TST: variants seen among roughly 807,000 people sequenced by gnomAD.
TST encodes the protein thiosulfate sulfurtransferase, also known as epididymis secretory sperm binding protein.
Under a neutral mutation model 20.4 loss-of-function variants are expected in TST, and 22 were observed. The observed-to-expected ratio is 1.08, with a 90% CI of 0.77 to 1.54. The LOEUF (loss-of-function observed/expected upper bound fraction) is 1.54, where lower values mean the gene tolerates loss of function less well. Among genes scored for constraint, TST ranks in the 40% most tolerant of loss-of-function variants. TST has a pLI of 0.00. For synonymous variants in TST, 187 were observed against 173.8 expected (o/e 1.08, Z -0.60); for missense variants, 392 against 405.2 (o/e 0.97, Z 0.28).
Position 37,018,714 on chromosome 22 carries a change from A to G in TST, c.19T>C (p.Tyr7His), listed in dbSNP as rs1376952043. Residue 7 changes from tyrosine (Y) to histidine (H), a missense_variant, in exon 2 of 3, where the codon TAC becomes CAC. By Grantham distance (83) the Tyr-to-His change is moderately conservative (BLOSUM62 2). Coordinates refer to ENST00000249042, the MANE Select transcript of TST (RefSeq NM_003312.6). MVHQVL[Y>H]RALVSTKWLA... is the part of the protein sequence containing the mutation. ...CACTTGGTGGAGACCAGCGCCCGGT[A>G]GAGCACCTGATGAACCATGGCTTCA... 3 of 1,504,696 alleles carry G rather than the reference A, an allele frequency of 2.0e-6. No homozygotes were observed. The highest frequency in any genetic ancestry group is 2.3e-5 in the Admixed American group (1 of 44,270). The allele number at this position is 1,504,696 out of a possible 1,614,324, so 93.2% of individuals were successfully genotyped here. A position where few individuals can be genotyped will look rare whatever the true frequency, so the allele number is the denominator to read the frequency against.
chr22:37,010,884 T>C lies in TST; in HGVS notation c.*143A>G, dbSNP rs1024902453. The C allele has an allele frequency of 6.5e-6, 8 of 1,231,254 alleles. No individual in the cohort carries two copies. The African/African-American group carries it at 1.1e-4, about 16-fold the overall frequency. The allele number at this position is 1,231,254 out of a possible 1,614,324, so 76.3% of individuals were successfully genotyped here. Reference sequence around the variant, plus strand: ...CACTACTCAGAAAAGGCAAAGTTTATTCCAGTGTTGACAGAGAGAGGGTGA... The same window carrying C: ...CACTACTCAGAAAAGGCAAAGTTTACTCCAGTGTTGACAGAGAGAGGGTGA... On this transcript the variant is annotated 3_prime_UTR_variant, in exon 3 of 3. Coordinates refer to ENST00000249042, the MANE Select transcript of TST (RefSeq NM_003312.6).
rs376733812 is a variant in TST, at chr22:37,018,277, G to C, written c.456C>G (p.Val152=). 3.7e-6 allele frequency: 6 copies of C among 1,614,004 alleles called. No individual in the cohort carries two copies. The highest frequency in any genetic ancestry group is 5.1e-6 in the Non-Finnish European group (6 of 1,180,040). The part of the protein sequence containing the change: ...TSEPSRPEPA[V]FKATLDRSLL... ...GGGAGCGGTCCAGTGTGGCTTTGAA[G>C]ACGGCCGGTTCTGGGCGTGAGGGCT... is the stretch of plus-strand genomic sequence containing the variant. The change falls in exon 2 of 3, where the codon GTC becomes GTG. Residue 152 remains valine, a synonymous_variant. Transcript: ENST00000249042.
chr22:37,017,684 T>C (rs572199661), intron 2 of TST, among the ~76,000 whole-genome samples: 23 of 152,172 alleles, frequency 1.5e-4, no homozygotes, highest in Non-Finnish European at 2.9e-4. Flanking sequence ...GAGAGGGGGA[T>C]CCTGCGGGGA....
At position 37,010,896 on chromosome 22, in the gene TST, CAGAG is replaced by C. The variant is rs1200882171; in HGVS notation, c.*127_*130del. On this transcript the variant is annotated 3_prime_UTR_variant, in exon 3 of 3. Coordinates refer to ENST00000249042, the MANE Select transcript of TST (RefSeq NM_003312.6). ...AAGGCAAAGTTTATTCCAGTGTTGA[CAGAG>C]AGAGGGTGAGCCTTGCACAGCAATT... 4 of 1,320,666 alleles carry C rather than the reference CAGAG, an allele frequency of 3.0e-6. No homozygotes were observed. In the East Asian group the frequency reaches 9.3e-5, roughly 31 times the overall value. The allele number at this position is 1,320,666 out of a possible 1,614,324, so 81.8% of individuals were successfully genotyped here.
At chr22:37,019,951 C>T (rs1601452313), upstream of TST, 3 of 687,400 alleles carry the variant, frequency 4.4e-6, no homozygotes, top group East Asian at 1.0e-4. Context: ...GCGGGGCTCC[C>T]GCGCGGGACC....
In TST at chr22:37,018,314, G is replaced by GT; in HGVS notation, c.418_419insA (p.Pro140HisfsTer34). 6.2e-7 allele frequency: 1 copy of GT among 1,613,980 alleles called. No individual in the cohort carries two copies. ...TGGGCGTGAGGGCTCGGATGTCACCGGGTGGCCCTCCTTCAGCCAGTTCCG... is the reference window on the plus strand; with the variant it reads ...TGGGCGTGAGGGCTCGGATGTCACCGTGGTGGCCCTCCTTCAGCCAGTTCCG... On this transcript the variant is annotated frameshift_variant, in exon 2 of 3. Coordinates refer to ENST00000249042, the MANE Select transcript of TST (RefSeq NM_003312.6). LOFTEE classifies it high-confidence loss of function.
At position 37,011,015 on chromosome 22, in the gene TST, A is replaced by T; in HGVS notation, c.*12T>A. On this transcript the variant is annotated 3_prime_UTR_variant, in exon 3 of 3. Coordinates refer to ENST00000249042, the MANE Select transcript of TST (RefSeq NM_003312.6). Reference sequence around the variant, plus strand: ...ACCGGCCGCAGTTACAGTAAGCAGAAGAGGTCACGGCTCAGGCCTTCTCAG... The same window carrying T: ...ACCGGCCGCAGTTACAGTAAGCAGATGAGGTCACGGCTCAGGCCTTCTCAG... The T allele has an allele frequency of 6.2e-7, 1 of 1,600,724 alleles. No homozygotes were observed. Among genetic ancestry groups the T allele is most frequent in the Non-Finnish European group, 8.5e-7 (1 of 1,172,080 alleles).
At chr22:37,019,655 TG>T, upstream of TST, 1 of 317,522 alleles carries the variant, frequency 3.1e-6, no homozygotes, top group Non-Finnish European at 5.7e-6. Flanking sequence ...CGCGCGGGCC[TG>T]GGCTGGGCGG....
chr22:37,018,158 T>C lies in TST; in HGVS notation c.575A>G (p.Glu192Gly), dbSNP rs1443606877. The C allele has an allele frequency of 2.6e-6, 4 of 1,562,376 alleles. No individual in the cohort carries two copies. In the Admixed American group the frequency reaches 7.3e-5, roughly 28 times the overall value. Residue 192 changes from glutamate to glycine, a missense_variant, in exon 2 of 3, where the codon GAG becomes GGG. Coordinates refer to ENST00000249042, the MANE Select transcript of TST (RefSeq NM_003312.6). ...CCTACCTACTGCATCCGGCTCCGGC[T>C]CGGTGCCCAGGAACCGCCCTTGAGA... Reference protein sequence around the residue: ...SRSQGRFLGTEPEPDAVGLDS... With the variant: ...SRSQGRFLGTGPEPDAVGLDS...
chr22:37,010,984 C>A lies in TST; in HGVS notation c.*43G>T. ...AAGAACCGGCTGTAAGTCATGGGGT[C>A]ACTAAACCGGCCGCAGTTACAGTAA... is the stretch of plus-strand genomic sequence containing the variant. On this transcript the variant is annotated 3_prime_UTR_variant, in exon 3 of 3. Transcript: ENST00000249042. The A allele has an allele frequency of 6.4e-7, 1 of 1,573,858 alleles. No individual in the cohort carries two copies. The highest frequency in any genetic ancestry group is 1.2e-5 in the South Asian group (1 of 85,536).
intron 2 of TST, among the ~76,000 whole-genome samples, chr22:37,013,599 TATA>T (rs1394512185): frequency 3.9e-5 from 6 of 152,120 alleles, no homozygotes; most frequent in South Asian, 4.1e-4. Context: ...GTCTCAAAAA[TATA>T]ATAATAATGA....
intron 2 of TST, 41 bp downstream of exon 2, chr22:37,018,097 G>C: frequency 6.9e-7 from 1 of 1,444,762 alleles, no homozygotes; most frequent in Non-Finnish European, 9.3e-7. Context: ...CCTTCCATGG[G>C]GCAATACTCC....
upstream of TST, chr22:37,019,977 G>A: frequency 3.7e-6 from 2 of 545,458 alleles, no homozygotes; most frequent in Non-Finnish European, 2.8e-6. Flanking sequence ...GGAAGAGGGG[G>A]CTTAGTCTAG....
At chr22:37,017,496 C>G (rs1264956466) in intron 2 of TST, among the ~76,000 whole-genome samples, 2 of 152,208 alleles carry the variant, frequency 1.3e-5, no homozygotes, top group Non-Finnish European at 2.9e-5. Flanking sequence ...TCAGTCCCCC[C>G]ACCCCCCGCT....
chr22:37,017,924 G>A (rs1336262842), intron 2 of TST, among the ~76,000 whole-genome samples: 3 of 152,182 alleles, frequency 2.0e-5, no homozygotes, highest in African/African-American at 4.8e-5. Flanking sequence ...TTAGCACATG[G>A]CTATGAGGAC....
Position 37,018,329 on chromosome 22 carries a change from A to C in TST, c.404T>G (p.Leu135Arg), listed in dbSNP as rs746076529. 2.7e-5 allele frequency: 44 copies of C among 1,613,942 alleles called. No individual in the cohort carries two copies. Among genetic ancestry groups the C allele is most frequent in the Non-Finnish European group, 3.3e-5 (39 of 1,180,014 alleles). Reference protein sequence around the residue: ...SVLNGGFRNWLKEGHPVTSEP... With the variant: ...SVLNGGFRNWRKEGHPVTSEP... ...GGATGTCACCGGGTGGCCCTCCTTC[A>C]GCCAGTTCCGGAAGCCACCATTGAG... The change falls in exon 2 of 3, where the codon CTG becomes CGG. Residue 135 changes from leucine (L) to arginine (R), a missense_variant. Leu to Arg is a moderately radical substitution (Grantham distance 102). Coordinates refer to ENST00000249042, the MANE Select transcript of TST (RefSeq NM_003312.6).
At position 37,011,224 on chromosome 22, in the gene TST, A is replaced by G. The variant is rs1213744689; in HGVS notation, c.697T>C (p.Phe233Leu). 1.9e-6 allele frequency: 3 copies of G among 1,614,034 alleles called. No individual in the cohort carries two copies. Among genetic ancestry groups the G allele is most frequent in the South Asian group, 1.1e-5 (1 of 91,088 alleles). ...GAGAGATCCACCTTCTTGGTCTGGA[A>G]CAGAGCACGGAGCTCTTCTGGGCCC... ...EKGPEELRAL[F>L]QTKKVDLSQP... Residue 233 changes from phenylalanine (F) to leucine (L), a missense_variant, in exon 3 of 3, where the codon TTC becomes CTC. By Grantham distance (22) the Phe-to-Leu change is conservative (BLOSUM62 0). Transcript: ENST00000249042.
intron 2 of TST, 152 bp from the exon 3 acceptor site, chr22:37,011,477 C>G (rs982974206): frequency 4.6e-6 from 4 of 863,756 alleles, no homozygotes; most frequent in Non-Finnish European, 5.2e-6. Flanking sequence ...TTATTCCCAG[C>G]CCCACCTATT....
chr22:37,020,060 G>T, upstream of TST: 1 of 394,950 alleles, frequency 2.5e-6, no homozygotes, highest in Non-Finnish European at 4.5e-6. Flanking sequence ...GTGGGGTCGT[G>T]GCGAGTGGCG....
Sources: gnomAD v4.1 joint callset for allele counts (sites outside exome capture counted in the v4.1 genomes callset) on GRCh38, gnomAD v4.1.1 for gene constraint, MANE v1.5 for transcripts, NCBI Gene and HGNC (gene_info 2026-07-23, HGNC 2026-07-21) for gene names.